Variants in CA2 observed in about 807,000 individuals in gnomAD.
CA2 encodes the protein carbonic anhydrase 2, also known as carbonate dehydratase II.
A neutral mutation model predicts 27.8 loss-of-function variants in CA2; 23 were observed. The ratio of observed to expected loss-of-function variants is 0.83; its 90% CI spans 0.59 to 1.17. The LOEUF (loss-of-function observed/expected upper bound fraction) is 1.17, where lower values mean the gene tolerates loss of function less well. Among genes scored for constraint, CA2 ranks in the 50% most tolerant of loss-of-function variants. The pLI, the probability that CA2 is intolerant of heterozygous loss-of-function variation, is 0.00. For synonymous variants in CA2, 99 were observed against 114.9 expected, an observed-to-expected ratio of 0.86 and a Z score of 0.88; for missense variants, 300 against 314.7, an observed-to-expected ratio of 0.95 and a Z score of 0.35.
At chr8:85,475,180 AAACT>A (rs1262087461) in intron 4 of CA2, among the ~76,000 whole-genome samples, 1 of 151,926 alleles carries the variant, frequency 6.6e-6, no homozygotes, top group Non-Finnish European at 1.5e-5. Flanking sequence ...CATAAAAAAC[AAACT>A]AACAAACAAA....
chr8:85,474,522 CT>C, intron 4 of CA2, 106 bp downstream of exon 4: 2 of 889,962 alleles, frequency 2.2e-6, no homozygotes, highest in Non-Finnish European at 3.8e-6. Flanking sequence ...TAGGAAATGC[CT>C]TTGTCCCTGA....
rs948412711 is a variant in CA2 at position 85,474,336 on chromosome 8, C to T, written c.364C>T (p.His122Tyr). Residue 122 changes from histidine to tyrosine, a missense_variant, in exon 4 of 7, where the codon CAC becomes TAC. Around this residue, in one of 3 missense-constraint regions of CA2, gnomAD observed 5 missense variants for 20.5 expected, o/e 0.24. Transcript: ENST00000285379. Reference sequence around the variant, plus strand: ...TCTTCGGCCTTAGCTTCACTTGGTTCACTGGAACACCAAATATGGGGATTT... The same window carrying T: ...TCTTCGGCCTTAGCTTCACTTGGTTTACTGGAACACCAAATATGGGGATTT... ...KKYAAELHLVHWNTKYGDFGK... is the reference protein window; with the variant it reads ...KKYAAELHLVYWNTKYGDFGK... The T allele has an allele frequency of 1.9e-6, 3 of 1,613,678 alleles. No individual in the cohort carries two copies. The highest frequency in any genetic ancestry group is 2.5e-6 in the Non-Finnish European group (3 of 1,179,670).
At chr8:85,474,459 A>C in intron 4 of CA2, 43 bp downstream of exon 4, 1 of 1,329,190 alleles carries the variant, frequency 7.5e-7, no homozygotes, top group South Asian at 1.2e-5. Context: ...ATTTTTAATA[A>C]AGAATGACCA....
In CA2 at chr8:85,475,370, C is replaced by G. The variant is rs1389244; in HGVS notation, c.445-428C>G. On this transcript the variant is annotated intron_variant, in intron 4 of 6. Coordinates refer to ENST00000285379, the MANE Select transcript of CA2 (RefSeq NM_000067.3). ...TGGATGACAGAGCAAGACTCTGACT[C>G]TAAAAAAAAAAAAAAAAAAAAAAAA... 1.0e-3 allele frequency among the ~76,000 whole-genome samples: 8 copies of G among 7,684 alleles called. No individual in the cohort carries two copies. The East Asian group carries it at 0.029, about 27-fold the overall frequency. 5.0% of individuals were successfully genotyped at this position (7,684 alleles called of 152,430 possible). A position where few individuals can be genotyped will look rare whatever the true frequency, so the allele number is the denominator to read the frequency against.
At chr8:85,468,068 C>A (rs779178882) in intron 2 of CA2, among the ~76,000 whole-genome samples, 7 of 152,198 alleles carry the variant, frequency 4.6e-5, no homozygotes, top group African/African-American at 1.4e-4. Context: ...ACCCTGACTG[C>A]CACTTTGATA....
intron 4 of CA2, among the ~76,000 whole-genome samples, chr8:85,474,815 A>G (rs902522791): frequency 1.3e-5 from 2 of 152,182 alleles, no homozygotes; most frequent in Admixed American, 6.5e-5. Flanking sequence ...GCTGCCCTCT[A>G]AACAGTGGTA....
intron 1 of CA2, among the ~76,000 whole-genome samples, 156 bp from the exon 2 acceptor site, chr8:85,465,116 G>T (rs900189977): frequency 2.0e-5 from 3 of 152,206 alleles, no homozygotes; most frequent in Admixed American, 1.3e-4. Flanking sequence ...GGAAACTGAG[G>T]CACAGATTAC....
chr8:85,473,664 TTACA>T (rs756027704), intron 2 of CA2, 25 bp from the exon 3 acceptor site: 3 of 1,059,354 alleles, frequency 2.8e-6, no homozygotes, highest in Non-Finnish European at 4.4e-6. Flanking sequence ...TACATATATG[TTACA>T]TATATATATA....
At chr8:85,476,123 A>C (rs1465593482) in intron 5 of CA2, among the ~76,000 whole-genome samples, 1 of 152,242 alleles carries the variant, frequency 6.6e-6, no homozygotes. Flanking sequence ...GAGTCAGAGA[A>C]TCTTATGCCT....
At chr8:85,478,344 G>A (rs772620587) in intron 6 of CA2, among the ~76,000 whole-genome samples, 7 of 152,188 alleles carry the variant, frequency 4.6e-5, no homozygotes, top group African/African-American at 9.6e-5. Flanking sequence ...AAAATAGCAT[G>A]CTTGGTATGT....
At chr8:85,465,587 A>C in intron 2 of CA2, 118 bp downstream of exon 2, 1 of 813,196 alleles carries the variant, frequency 1.2e-6, no homozygotes. Flanking sequence ...CTCAGGACTC[A>C]AGGATGCCAC....
chr8:85,473,225 C>T (rs1811735950), intron 2 of CA2, among the ~76,000 whole-genome samples: 1 of 151,950 alleles, frequency 6.6e-6, no homozygotes, highest in Admixed American at 6.6e-5. Context: ...TGGCAGCAAT[C>T]GGGCCTTGGT....
chr8:85,479,301 T>A (rs868285353), intron 6 of CA2, among the ~76,000 whole-genome samples: 7 of 152,198 alleles, frequency 4.6e-5, no homozygotes, highest in Middle Eastern at 3.2e-3. Flanking sequence ...GTTTGACCTG[T>A]TTACACTTTA....
At chr8:85,474,292 C>T in intron 3 of CA2, 32 bp from the exon 4 acceptor site, 2 of 1,450,528 alleles carry the variant, frequency 1.4e-6, no homozygotes, top group Non-Finnish European at 1.9e-6. Flanking sequence ...TTATGTAAAT[C>T]ACTCACTGTG....
At chr8:85,467,848 T>C (rs898163398) in intron 2 of CA2, among the ~76,000 whole-genome samples, 1 of 152,204 alleles carries the variant, frequency 6.6e-6, no homozygotes, top group African/African-American at 2.4e-5. Context: ...GTGAAACAGA[T>C]GAAAACCACA....
intron 4 of CA2, among the ~76,000 whole-genome samples, chr8:85,475,055 C>T (rs1328991457): frequency 6.6e-6 from 1 of 152,070 alleles, no homozygotes; most frequent in Non-Finnish European, 1.5e-5. Flanking sequence ...AGCCTGTAAT[C>T]CCAGCACCTT....
At chr8:85,466,127 TAAAA>T (rs10573662) in intron 2 of CA2, among the ~76,000 whole-genome samples, 75 of 135,610 alleles carry the variant, frequency 5.5e-4, no homozygotes, top group South Asian at 3.3e-3. Context: ...ATGCTCACTG[TAAAA>T]AAAAAAAAAA....
chr8:85,471,687 CTTA>C, intron 2 of CA2, among the ~76,000 whole-genome samples: 1 of 151,834 alleles, frequency 6.6e-6, no homozygotes, highest in Non-Finnish European at 1.5e-5. Context: ...ACATTTGCTT[CTTA>C]TTATCAGCCA....
intron 2 of CA2, among the ~76,000 whole-genome samples, chr8:85,471,784 T>C (rs1435053581): frequency 6.6e-6 from 1 of 151,918 alleles, no homozygotes. Flanking sequence ...AATTTTTATA[T>C]ATTATTATGA....
Sources: gnomAD v4.1 joint callset for allele counts (sites outside exome capture counted in the v4.1 genomes callset) on GRCh38, gnomAD v4.1.1 for gene constraint, gnomAD v4.1.1 regional missense constraint, MANE v1.5 for transcripts, NCBI Gene and HGNC (gene_info 2026-07-23, HGNC 2026-07-21) for gene names.